RNF32: variants seen among roughly 807,000 people sequenced by gnomAD.
RNF32 encodes the protein ring finger protein 32.
Under a neutral mutation model 41.0 loss-of-function variants are expected in RNF32, and 36 were observed. The ratio of observed to expected loss-of-function variants is 0.88; its 90% CI spans 0.67 to 1.16. The LOEUF (loss-of-function observed/expected upper bound fraction) is 1.16. RNF32 is among the 50% of genes most tolerant of loss of function. The pLI, the probability that RNF32 is intolerant of heterozygous loss-of-function variation, is 0.00. For synonymous variants in RNF32, 154 were observed against 160.9 expected (o/e 0.96, Z 0.32); for missense variants, 413 against 436.7 (o/e 0.95, Z 0.48).
intron 2 of RNF32, 24 bp downstream of exon 2, chr7:156,643,916 T>G (rs1797677351): frequency 6.3e-7 from 1 of 1,590,582 alleles, no homozygotes; most frequent in Non-Finnish European, 8.6e-7. Flanking sequence ...TTCTTAAACA[T>G]ACACGTTATT....
chr7:156,676,173 T>C, intron 8 of RNF32: 1 of 1,199,786 alleles, frequency 8.3e-7, no homozygotes, highest in Non-Finnish European at 1.1e-6. Context: ...AAGTTCCTGT[T>C]GGATGTTGCT....
chr7:156,664,478 A>G (rs529533540), intron 7 of RNF32, among the ~76,000 whole-genome samples: 19 of 152,314 alleles, frequency 1.2e-4, no homozygotes, highest in African/African-American at 3.8e-4. Context: ...AAAGAAAGAA[A>G]AAGAAAAACA....
intron 2 of RNF32, 94 bp downstream of exon 2, chr7:156,643,986 C>T: frequency 9.2e-7 from 1 of 1,085,074 alleles, no homozygotes; most frequent in Non-Finnish European, 1.4e-6. Flanking sequence ...GTTTGCAAAC[C>T]CTGCTTGAAC....
Position 156,658,254 on chromosome 7 carries a change from T to C in RNF32, c.575+2T>C. ...GTTCAGAATCAAGTGTGTGACCAGG[T>C]GAGGACGCCAGGCCCGTTTGGCGCT... On this transcript the variant is annotated splice_donor_variant, in intron 6 of 8. Coordinates refer to ENST00000317955, the MANE Select transcript of RNF32 (RefSeq NM_030936.4). LOFTEE classifies it high-confidence loss of function. The C allele has an allele frequency of 1.2e-6, 2 of 1,613,610 alleles. No homozygotes were observed. Among genetic ancestry groups the C allele is most frequent in the Non-Finnish European group, 1.7e-6 (2 of 1,179,910 alleles).
intron 4 of RNF32, among the ~76,000 whole-genome samples, chr7:156,655,291 T>TA: frequency 1.3e-5 from 2 of 150,798 alleles, no homozygotes; most frequent in East Asian, 3.9e-4. Flanking sequence ...CATATATATA[T>TA]ATAGAGAGAG....
intron 8 of RNF32, 165 bp from the exon 9 acceptor site, chr7:156,676,254 T>A (rs754235445): frequency 6.5e-7 from 1 of 1,537,066 alleles, no homozygotes; most frequent in Non-Finnish European, 8.8e-7. Flanking sequence ...TGTATATATA[T>A]ATGTATATAT....
At chr7:156,640,715 A>G, upstream of RNF32, 1 of 279,636 alleles carries the variant, frequency 3.6e-6, no homozygotes, top group South Asian at 2.8e-5. Flanking sequence ...GCGAGCGCGG[A>G]GGCGGGCGTT....
Position 156,658,155 on chromosome 7 carries a change from A to G in RNF32, c.478A>G (p.Thr160Ala), listed in dbSNP as rs768062136. Residue 160 changes from threonine to alanine, a missense_variant, in exon 6 of 9, where the codon ACA becomes GCA. Physicochemically the swap from Thr to Ala is moderately conservative, Grantham distance 58. Coordinates refer to ENST00000317955, the MANE Select transcript of RNF32 (RefSeq NM_030936.4). ...ATGTCTTCAGGCTTTTGAAAAGTTC[A>G]CAAATAAGAAAACCTGTCCTCTCTG... ...KACLQAFEKF[T>A]NKKTCPLCRK... 6.2e-7 allele frequency: 1 copy of G among 1,614,134 alleles called. No individual in the cohort carries two copies. The highest frequency in any genetic ancestry group is 8.5e-7 in the Non-Finnish European group (1 of 1,179,984).
intron 7 of RNF32, among the ~76,000 whole-genome samples, chr7:156,671,764 A>G (rs1373498756): frequency 6.6e-6 from 1 of 152,148 alleles, no homozygotes; most frequent in Non-Finnish European, 1.5e-5. Context: ...CACCATCTTT[A>G]TGTCCACGTA....
Position 156,676,752 on chromosome 7 carries a change from T to A in RNF32, c.*97T>A, listed in dbSNP as rs1488597255. Reference sequence around the variant, plus strand: ...TTCTGGGTTAAGTACTACAATGTAATCTGTTTCCCAGGGAAATAAGCTATT... The same window carrying A: ...TTCTGGGTTAAGTACTACAATGTAAACTGTTTCCCAGGGAAATAAGCTATT... On this transcript the variant is annotated 3_prime_UTR_variant, in exon 9 of 9. Coordinates refer to ENST00000317955, the MANE Select transcript of RNF32 (RefSeq NM_030936.4). 1 of 857,940 alleles carries A rather than the reference T, an allele frequency of 1.2e-6. No individual in the cohort carries two copies. The highest frequency in any genetic ancestry group is 2.4e-5 in the East Asian group (1 of 40,908). The allele number at this position is 857,940 out of a possible 1,614,324, so 53.1% of individuals were successfully genotyped here.
chr7:156,659,417 A>G, intron 7 of RNF32: 1 of 985,680 alleles, frequency 1.0e-6, no homozygotes, highest in Non-Finnish European at 1.2e-6. Flanking sequence ...TCAATTTGGT[A>G]AAGGACCGCC....
At chr7:156,660,618 G>A (rs1800497363) in intron 7 of RNF32, among the ~76,000 whole-genome samples, 1 of 152,126 alleles carries the variant, frequency 6.6e-6, no homozygotes, top group Admixed American at 6.5e-5. Flanking sequence ...CAGTTAGCTG[G>A]GATTATAGGC....
intron 7 of RNF32, among the ~76,000 whole-genome samples, chr7:156,667,823 T>C (rs1396568087): frequency 2.0e-5 from 3 of 152,212 alleles, no homozygotes; most frequent in Admixed American, 6.5e-5. Flanking sequence ...TTCATCCCAG[T>C]TCACTGTTTA....
At chr7:156,659,560 A>G (rs1432982625) in intron 7 of RNF32, 19 of 980,408 alleles carry the variant, frequency 1.9e-5, no homozygotes, top group Non-Finnish European at 2.1e-5. Flanking sequence ...TTAAATCAGA[A>G]GTGATTTTTT....
At chr7:156,643,579 A>C (rs1396907616) in intron 1 of RNF32, among the ~76,000 whole-genome samples, 1 of 152,358 alleles carries the variant, frequency 6.6e-6, no homozygotes, top group East Asian at 1.9e-4. Context: ...ATGTGTCCTC[A>C]GGAGCTCAGG....
intron 1 of RNF32, among the ~76,000 whole-genome samples, chr7:156,643,544 T>G (rs1271186090): frequency 6.6e-6 from 1 of 152,236 alleles, no homozygotes; most frequent in Non-Finnish European, 1.5e-5. Flanking sequence ...ATGGATTAAT[T>G]CATAGTAATT....
intron 6 of RNF32, 56 bp from the exon 7 acceptor site, chr7:156,658,405 GT>G: frequency 1.3e-6 from 2 of 1,525,338 alleles, no homozygotes; most frequent in Non-Finnish European, 1.8e-6. Context: ...AACTACTGAA[GT>G]ATTGGTTGAC....
At chr7:156,644,922 G>A (rs2131342696) in intron 3 of RNF32, among the ~76,000 whole-genome samples, 165 bp downstream of exon 3, 1 of 152,174 alleles carries the variant, frequency 6.6e-6, no homozygotes, top group East Asian at 1.9e-4. Flanking sequence ...AATGATAGGG[G>A]ACCATTAGAG....
intron 7 of RNF32, among the ~76,000 whole-genome samples, chr7:156,660,680 A>G (rs1398344100): frequency 1.3e-5 from 2 of 152,186 alleles, no homozygotes; most frequent in African/African-American, 4.8e-5. Context: ...AACCACAATA[A>G]GAAATATCTT....
Sources: gnomAD v4.1 joint callset for allele counts (sites outside exome capture counted in the v4.1 genomes callset) on GRCh38, gnomAD v4.1.1 for gene constraint, MANE v1.5 for transcripts, NCBI Gene and HGNC (gene_info 2026-07-23, HGNC 2026-07-21) for gene names.